The following ATP8B3 variants were observed in gnomAD, a reference collection of about 807,000 sequenced individuals.
ATP8B3 encodes phospholipid-transporting ATPase IK.
In ATP8B3, 141 loss-of-function variants were observed where a neutral mutation model predicts 140.9. The observed-to-expected ratio is 1.00, with a 90% CI of 0.87 to 1.15. ATP8B3 has a LOEUF of 1.15. Ranked by LOEUF, ATP8B3 falls within the 50% of genes most tolerant of loss-of-function variation. The pLI, the probability that ATP8B3 is intolerant of heterozygous loss-of-function variation, is 0.00. For synonymous variants in ATP8B3, 765 were observed against 714.6 expected (o/e 1.07, Z -1.13); for missense variants, 1,874 against 1,740.6 (o/e 1.08, Z -1.36).
Position 1,794,345 on chromosome 19 carries a change from C to T in ATP8B3, c.2055+1530G>A, listed in dbSNP as rs553914274. Among the ~76,000 whole-genome samples the T allele has an allele frequency of 6.6e-6, 1 of 152,176 alleles. No individual in the cohort carries two copies. Among genetic ancestry groups the T allele is most frequent in the Non-Finnish European group, 1.5e-5 (1 of 68,016 alleles). On this transcript the variant is annotated intron_variant, in intron 18 of 28. Coordinates refer to ENST00000310127, the MANE Select transcript of ATP8B3 (RefSeq NM_138813.4). The surrounding 1 kb of genome is among the most constrained non-coding windows in gnomAD (Gnocchi z 4.8). The stretch of plus-strand genomic sequence containing the variant: ...CCTGGGGTGGCTGAGCTAAGCTGAC[C>T]TGCTGAGCTCCTGGGCTCTAGGTCA...
rs1196892448 is a variant in ATP8B3 at position 1,807,012 on chromosome 19, A to T, written c.615+156T>A. Among the ~76,000 whole-genome samples, 1 of 152,106 alleles carries T rather than the reference A, an allele frequency of 6.6e-6. No homozygotes were observed. Among genetic ancestry groups the T allele is most frequent in the East Asian group, 1.9e-4 (1 of 5,190 alleles). On this transcript the variant is annotated intron_variant, in intron 6 of 28. Coordinates refer to ENST00000310127, the MANE Select transcript of ATP8B3 (RefSeq NM_138813.4). The surrounding 1 kb of genome is among the most constrained non-coding windows in gnomAD (Gnocchi z 5.9). ...CTGCCCAATGTGGGTGCTAGCAGAT[A>T]AGGACAATGTAGCCCCAGCAGCTGA... is the stretch of plus-strand genomic sequence containing the variant.
chr19:1,788,885 TG>T lies in ATP8B3; in HGVS notation c.3069+11del, dbSNP rs1365690211. On this transcript the variant is annotated intron_variant, in intron 24 of 28. Coordinates refer to ENST00000310127, the MANE Select transcript of ATP8B3 (RefSeq NM_138813.4). Reference sequence around the variant, plus strand: ...GGCCCTGGTCATGGGGCAGCCAGGGTGGGGGACGCACCTGGCCGGTGAAGCC... The same window carrying T: ...GGCCCTGGTCATGGGGCAGCCAGGGTGGGGACGCACCTGGCCGGTGAAGCC... The T allele has an allele frequency of 1.9e-6, 3 of 1,571,180 alleles. No homozygotes were observed. Among genetic ancestry groups the T allele is most frequent in the Non-Finnish European group, 2.6e-6 (3 of 1,159,760 alleles).
chr19:1,809,914 C>G (rs753156322), intron 3 of ATP8B3, among the ~76,000 whole-genome samples, 180 bp from the exon 4 acceptor site: 2 of 152,224 alleles, frequency 1.3e-5, no homozygotes, highest in African/African-American at 4.8e-5. Context: ...CCAGACCCTG[C>G]CCATAGTTGG....
rs1348023856 is a variant in ATP8B3 at position 1,790,025 on chromosome 19, G to A, written c.2379-36C>T. The A allele has an allele frequency of 2.0e-6, 3 of 1,510,948 alleles. No homozygotes were observed. In the South Asian group the frequency reaches 3.4e-5, roughly 17 times the overall value. 93.6% of individuals were successfully genotyped at this position (1,510,948 alleles called of 1,614,324 possible). Reference sequence around the variant, plus strand: ...CAGGGGTCAGCGGGGCAGGGGAGGGGGCGGGCTTCTCCCCACTTCCCCGGG... The same window carrying A: ...CAGGGGTCAGCGGGGCAGGGGAGGGAGCGGGCTTCTCCCCACTTCCCCGGG... On this transcript the variant is annotated intron_variant, in intron 21 of 28. Coordinates refer to ENST00000310127, the MANE Select transcript of ATP8B3 (RefSeq NM_138813.4).
At chr19:1,810,473 C>T (rs2069155647) in intron 3 of ATP8B3, 149 bp downstream of exon 3, 2 of 676,094 alleles carry the variant, frequency 3.0e-6, no homozygotes, top group East Asian at 3.2e-5. Context: ...CTCCATGTTG[C>T]CCAGGCTCTC....
rs2069040786 is a variant in ATP8B3, at chr19:1,806,892, C to T, written c.616-203G>A. Among the ~76,000 whole-genome samples the T allele has an allele frequency of 6.6e-6, 1 of 152,162 alleles. No homozygotes were observed. Among genetic ancestry groups the T allele is most frequent in the African/African-American group, 2.4e-5 (1 of 41,428 alleles). Reference sequence around the variant, plus strand: ...TATTGGCGGGGAGAAGACAGGCGTGCTGCCCACCACCTAGAGTGCCTGCCA... The same window carrying T: ...TATTGGCGGGGAGAAGACAGGCGTGTTGCCCACCACCTAGAGTGCCTGCCA... On this transcript the variant is annotated intron_variant, in intron 6 of 28. Transcript: ENST00000310127. The surrounding 1 kb of genome is among the most constrained non-coding windows in gnomAD (Gnocchi z 5.6).
intron 10 of ATP8B3, 138 bp from the exon 11 acceptor site, chr19:1,802,783 G>C: frequency 9.7e-7 from 1 of 1,032,788 alleles, no homozygotes; most frequent in Non-Finnish European, 1.4e-6. Flanking sequence ...TGGTGCCCCA[G>C]CACTGGGCTG....
chr19:1,792,139 G>C lies in ATP8B3; in HGVS notation c.2056-4C>G, dbSNP rs2068532327. 3 of 1,570,346 alleles carry C rather than the reference G, an allele frequency of 1.9e-6. No homozygotes were observed. The highest frequency in any genetic ancestry group is 2.6e-6 in the Non-Finnish European group (3 of 1,165,658). On this transcript the variant is annotated splice_region_variant and splice_polypyrimidine_tract_variant and intron_variant, in intron 18 of 28. Transcript: ENST00000310127. ...GCAGGGTCTCCTGGGCAAAGGCCTG[G>C]GGGCCGGGCAGGTGGAAGCTGTCAC...
chr19:1,785,424 C>T (rs2068273634), intron 26 of ATP8B3, 45 bp downstream of exon 26: 2 of 1,599,170 alleles, frequency 1.3e-6, no homozygotes, highest in East Asian at 2.2e-5. Context: ...AGGAGGCCTC[C>T]ATAGGCCATG....
rs528437239 is a variant in ATP8B3, at chr19:1,810,661, C to T, written c.271G>A (p.Gly91Ser). 178 of 1,612,798 alleles carry T rather than the reference C, an allele frequency of 1.1e-4. No individual in the cohort carries two copies. The highest frequency in any genetic ancestry group is 2.9e-4 in the East Asian group (13 of 44,874). Reference protein sequence around the residue: ...PEGPTSMGSLGQREDLQDEDR... With the variant: ...PEGPTSMGSLSQREDLQDEDR... ...TCATCTTGGAGATCTTCTCTCTGGCCGAGGCTGCCCATGCTGGTGGGGCTG... is the reference window on the plus strand; with the variant it reads ...TCATCTTGGAGATCTTCTCTCTGGCTGAGGCTGCCCATGCTGGTGGGGCTG... The change falls in exon 3 of 29, where the codon GGC (glycine) becomes AGC (serine). Residue 91 changes from glycine (G) to serine (S), a missense_variant. This residue lies in a region of ATP8B3 where 1,032 missense variants were observed against 963.6 expected (regional missense o/e 1.07). Coordinates refer to ENST00000310127, the MANE Select transcript of ATP8B3 (RefSeq NM_138813.4).
rs757021841 is a variant in ATP8B3, at chr19:1,785,229, G to T, written c.3462C>A (p.Tyr1154Ter). ...VATILLSLGF[Y>*]AIMTTTTQSF... Reference sequence around the variant, plus strand: ...TCTGGGTGGTGGTAGTCATGATGGCGTAGAAACCAAGGCTGAGGAGGATGG... The same window carrying T: ...TCTGGGTGGTGGTAGTCATGATGGCTTAGAAACCAAGGCTGAGGAGGATGG... Residue 1154 changes from tyrosine to a stop codon, truncating the protein, a stop_gained, in exon 27 of 29, where the codon TAC becomes TAA. Transcript: ENST00000310127. LOFTEE classifies it high-confidence loss of function. The T allele has an allele frequency of 6.2e-7, 1 of 1,608,434 alleles. No homozygotes were observed. The highest frequency in any genetic ancestry group is 1.1e-5 in the South Asian group (1 of 90,044).
chr19:1,792,920 AAAAAAAAAAG>A (rs945266315), intron 18 of ATP8B3, among the ~76,000 whole-genome samples: 11 of 120,350 alleles, frequency 9.1e-5, no homozygotes, highest in Admixed American at 2.6e-4. Flanking sequence ...GTTTCAAAAA[AAAAAAAAAAG>A]AAAAGAAAAC....
At chr19:1,804,746 C>T (rs1019001341) in intron 10 of ATP8B3, among the ~76,000 whole-genome samples, 2 of 152,154 alleles carry the variant, frequency 1.3e-5, no homozygotes, top group Admixed American at 1.3e-4. Flanking sequence ...GCAGAGGTTG[C>T]AGTGAGCCAA....
Position 1,807,102 on chromosome 19 carries a change from G to A in ATP8B3, c.615+66C>T, listed in dbSNP as rs2069047548. ...CAGCCCTCCTCCCACTCTCGCCCAG[G>A]GATCAAGAGACCCCCCCGACCGGCC... On this transcript the variant is annotated intron_variant, in intron 6 of 28. Coordinates refer to ENST00000310127, the MANE Select transcript of ATP8B3 (RefSeq NM_138813.4). The surrounding 1 kb of genome is among the most constrained non-coding windows in gnomAD (Gnocchi z 5.9). The A allele has an allele frequency of 7.0e-7, 1 of 1,422,484 alleles. No individual in the cohort carries two copies. Among genetic ancestry groups the A allele is most frequent in the East Asian group, 2.3e-5 (1 of 43,770 alleles). 88.1% of individuals were successfully genotyped at this position (1,422,484 alleles called of 1,614,324 possible). A position where few individuals can be genotyped will look rare whatever the true frequency, so the allele number is the denominator to read the frequency against.
chr19:1,808,229 A>G lies in ATP8B3; in HGVS notation c.509T>C (p.Ile170Thr), dbSNP rs1444452535. ...VSNLFFLIII[I>T]LQSIPDISTL... ...GGAGGCAACACGCCTCACCTGCAGG[A>G]TGATGATGATGAGGAAGAACAGGTT... The change falls in exon 5 of 29, where the codon ATC (isoleucine) becomes ACC (threonine). Residue 170 changes from isoleucine (I) to threonine (T), a missense_variant. By Grantham distance (89) the Ile-to-Thr change is moderately conservative. Around this residue, in one of 3 missense-constraint regions of ATP8B3, gnomAD observed 1,032 missense variants for 963.6 expected, o/e 1.07. Coordinates refer to ENST00000310127, the MANE Select transcript of ATP8B3 (RefSeq NM_138813.4). The G allele has an allele frequency of 1.2e-6, 2 of 1,603,098 alleles. No homozygotes were observed. Among genetic ancestry groups the G allele is most frequent in the Non-Finnish European group, 1.7e-6 (2 of 1,172,644 alleles).
chr19:1,783,039 CTT>C lies in ATP8B3; in HGVS notation c.3890_3891del (p.Lys1297ArgfsTer35), dbSNP rs776740159. ...PSDEEAASSP[K>X]ESQ The stretch of plus-strand genomic sequence containing the variant: ...ATCTTCCTGAGGTGTCACTGTGACT[CTT>C]TTGGGCTCGAAGCTGCCTCTTCATC... On this transcript the variant is annotated frameshift_variant, in exon 29 of 29. Coordinates refer to ENST00000310127, the MANE Select transcript of ATP8B3 (RefSeq NM_138813.4). LOFTEE classifies it high-confidence loss of function. 6.2e-7 allele frequency: 1 copy of C among 1,606,928 alleles called. No individual in the cohort carries two copies. The highest frequency in any genetic ancestry group is 1.3e-5 in the African/African-American group (1 of 74,840).
Position 1,800,654 on chromosome 19 carries a change from G to A in ATP8B3, c.1153-205C>T, listed in dbSNP as rs367740247. Among the ~76,000 whole-genome samples, 8 of 151,872 alleles carry A rather than the reference G, an allele frequency of 5.3e-5. No individual in the cohort carries two copies. Among genetic ancestry groups the A allele is most frequent in the Non-Finnish European group, 1.2e-4 (8 of 67,998 alleles). On this transcript the variant is annotated intron_variant, in intron 12 of 28. Coordinates refer to ENST00000310127, the MANE Select transcript of ATP8B3 (RefSeq NM_138813.4). The surrounding 1 kb of genome is among the most constrained non-coding windows in gnomAD (Gnocchi z 4.4). ...GGGCGACAAAGTGAGACCTCATCTC[G>A]ACGAAAAACTTAAAAAATAAATTAG...
At chr19:1,786,039 A>G (rs1226562288) in intron 25 of ATP8B3, among the ~76,000 whole-genome samples, 2 of 152,074 alleles carry the variant, frequency 1.3e-5, no homozygotes, top group Admixed American at 1.3e-4. Context: ...CGGCTGAGGC[A>G]GGAGGATCAT....
In ATP8B3 at chr19:1,806,243, G is replaced by T; in HGVS notation, c.678-74C>A. On this transcript the variant is annotated intron_variant, in intron 7 of 28. Transcript: ENST00000310127. The surrounding 1 kb of genome is among the most constrained non-coding windows in gnomAD (Gnocchi z 5.6). ...CCCCACACCGGGAGACCAGAGGCAC[G>T]GGATGACGGGGGGCCCGCAGCTGCA... is the stretch of plus-strand genomic sequence containing the variant. 2.0e-6 allele frequency: 3 copies of T among 1,537,130 alleles called. No individual in the cohort carries two copies. The highest frequency in any genetic ancestry group is 2.5e-5 in the East Asian group (1 of 40,746).
Sources: gnomAD v4.1 joint callset for allele counts (sites outside exome capture counted in the v4.1 genomes callset) on GRCh38, gnomAD v4.1.1 for gene constraint, gnomAD v4.1.1 regional missense constraint, Gnocchi (gnomAD v3.1) non-coding constraint, MANE v1.5 for transcripts, NCBI Gene and HGNC (gene_info 2026-07-23, HGNC 2026-07-21) for gene names.